The following MICU2 variants were observed in gnomAD, a reference collection of about 807,000 sequenced individuals.
The protein encoded by MICU2 is mitochondrial calcium uptake 2, also known as calcium uptake protein 2, mitochondrial.
A neutral mutation model predicts 60.4 loss-of-function variants in MICU2; 64 were observed. The ratio of observed to expected loss-of-function variants is 1.06; its 90% CI spans 0.87 to 1.31. The LOEUF (loss-of-function observed/expected upper bound fraction) is 1.31, where lower values mean the gene tolerates loss of function less well. Among genes scored for constraint, MICU2 ranks in the 50% most tolerant of loss-of-function variants. The pLI is 0.00. For synonymous variants in MICU2, 201 were observed against 175.0 expected, an observed-to-expected ratio of 1.15 and a Z score of -1.17; for missense variants, 569 against 531.0, an observed-to-expected ratio of 1.07 and a Z score of -0.70.
chr13:21,579,835 GCT>G, intron 1 of MICU2, among the ~76,000 whole-genome samples: 1 of 152,124 alleles, frequency 6.6e-6, no homozygotes, highest in East Asian at 1.9e-4. Context: ...AAAAATCTAT[GCT>G]CTCAGTAATT....
intron 1 of MICU2, among the ~76,000 whole-genome samples, chr13:21,588,701 C>T (rs892999069): frequency 6.6e-6 from 1 of 152,216 alleles, no homozygotes; most frequent in Non-Finnish European, 1.5e-5. Context: ...AGAAGTGGCA[C>T]TTGTGCTTTA....
At chr13:21,527,847 C>T (rs572940977) in intron 4 of MICU2, among the ~76,000 whole-genome samples, 25 of 152,228 alleles carry the variant, frequency 1.6e-4, no homozygotes, top group African/African-American at 4.8e-4. Context: ...TTGAGGGAGG[C>T]GCATCTCACT....
intron 1 of MICU2, among the ~76,000 whole-genome samples, chr13:21,586,873 T>C (rs988548203): frequency 5.9e-5 from 9 of 152,218 alleles, no homozygotes; most frequent in African/African-American, 1.7e-4. Flanking sequence ...AAATATAGTA[T>C]GTAAAAATGA....
chr13:21,603,840 G>T (rs1888885353), intron 1 of MICU2, 99 bp downstream of exon 1: 3 of 1,348,710 alleles, frequency 2.2e-6, no homozygotes, highest in Non-Finnish European at 3.0e-6. Context: ...TCCACCCACG[G>T]CTCCGGGAGA....
At chr13:21,562,786 T>G (rs1380976875) in intron 2 of MICU2, among the ~76,000 whole-genome samples, 1 of 152,238 alleles carries the variant, frequency 6.6e-6, no homozygotes, top group Admixed American at 6.5e-5. Flanking sequence ...ATCTGTTATA[T>G]CAATTTTTAA....
intron 8 of MICU2, 64 bp from the exon 9 acceptor site, chr13:21,503,161 G>A: frequency 8.0e-6 from 10 of 1,252,430 alleles, no homozygotes; most frequent in Middle Eastern, 2.3e-4. Context: ...TATTGTAAAT[G>A]GGTCTGCAAA....
At chr13:21,520,352 A>G (rs1886686140) in intron 6 of MICU2, among the ~76,000 whole-genome samples, 1 of 152,226 alleles carries the variant, frequency 6.6e-6, no homozygotes, top group South Asian at 2.1e-4. Context: ...ATGTTACTTT[A>G]AAAGAATCTG....
At chr13:21,544,262 T>C (rs1344796070) in intron 2 of MICU2, among the ~76,000 whole-genome samples, 1 of 152,122 alleles carries the variant, frequency 6.6e-6, no homozygotes, top group Non-Finnish European at 1.5e-5. Context: ...AATGATTTTA[T>C]GAATAAGACC....
intron 1 of MICU2, among the ~76,000 whole-genome samples, chr13:21,579,432 G>A (rs540129560): frequency 6.7e-6 from 1 of 149,528 alleles, no homozygotes; most frequent in South Asian, 2.1e-4. Flanking sequence ...CCTCTGCCTC[G>A]TGGGTTCAAG....
chr13:21,588,422 T>G (rs1418635061), intron 1 of MICU2, among the ~76,000 whole-genome samples: 2 of 152,150 alleles, frequency 1.3e-5, no homozygotes, highest in Non-Finnish European at 2.9e-5. Flanking sequence ...CCTCAAGTAA[T>G]AAGTCATCCC....
intron 1 of MICU2, among the ~76,000 whole-genome samples, chr13:21,583,790 A>C (rs1888399841): frequency 1.3e-5 from 2 of 152,240 alleles, no homozygotes; most frequent in Admixed American, 1.3e-4. Context: ...CATATTGAAA[A>C]TGTGCTGATT....
intron 9 of MICU2, among the ~76,000 whole-genome samples, chr13:21,498,074 G>A (rs1329189383): frequency 3.3e-5 from 5 of 152,010 alleles, no homozygotes; most frequent in Non-Finnish European, 7.4e-5. Flanking sequence ...TAATTTGAAA[G>A]TAAATTCTTC....
chr13:21,554,846 C>T (rs1288690671), intron 2 of MICU2, among the ~76,000 whole-genome samples: 2 of 151,834 alleles, frequency 1.3e-5, no homozygotes, highest in Admixed American at 6.6e-5. Context: ...ATATCACCAC[C>T]GACCCCACAG....
chr13:21,577,457 C>T (rs1888250677), intron 1 of MICU2, among the ~76,000 whole-genome samples: 1 of 151,792 alleles, frequency 6.6e-6, no homozygotes, highest in Non-Finnish European at 1.5e-5. Context: ...GAGTTGTAGA[C>T]CAGCCTGGGC....
chr13:21,541,605 C>G (rs1853572974), intron 2 of MICU2, among the ~76,000 whole-genome samples: 1 of 152,136 alleles, frequency 6.6e-6, no homozygotes, highest in South Asian at 2.1e-4. Context: ...TATATCCCCA[C>G]TTTACATGTA....
intron 8 of MICU2, among the ~76,000 whole-genome samples, chr13:21,505,918 A>G (rs1370730998): frequency 6.6e-6 from 1 of 152,176 alleles, no homozygotes; most frequent in Non-Finnish European, 1.5e-5. Context: ...CATATGGAAA[A>G]TACTTAGAAA....
chr13:21,563,110 GT>G (rs1887887381), intron 2 of MICU2, among the ~76,000 whole-genome samples: 1 of 152,104 alleles, frequency 6.6e-6, no homozygotes, highest in Non-Finnish European at 1.5e-5. Flanking sequence ...CAGATAAGGT[GT>G]TTTTTCTTCT....
At chr13:21,566,169 T>C (rs2138039060) in intron 2 of MICU2, among the ~76,000 whole-genome samples, 1 of 152,330 alleles carries the variant, frequency 6.6e-6, no homozygotes, top group East Asian at 1.9e-4. Flanking sequence ...ACTGCTCACC[T>C]TGCTCTCACC....
intron 4 of MICU2, among the ~76,000 whole-genome samples, chr13:21,532,165 G>T (rs1420213340): frequency 6.6e-6 from 1 of 152,182 alleles, no homozygotes; most frequent in African/African-American, 2.4e-5. Context: ...AACATCTACA[G>T]ATTTTTCTTC....
Sources: gnomAD v4.1 joint callset for allele counts (sites outside exome capture counted in the v4.1 genomes callset) on GRCh38, gnomAD v4.1.1 for gene constraint, MANE v1.5 for transcripts, NCBI Gene and HGNC (gene_info 2026-07-23, HGNC 2026-07-21) for gene names.